ZNF93: variants seen among roughly 807,000 people sequenced by gnomAD.
ZNF93 encodes the protein zinc finger protein 505.
ZNF93 carries 29 observed loss-of-function variants against 45.0 expected under a neutral mutation model. That is an observed-to-expected ratio of 0.64 (90% CI 0.48 to 0.88). The LOEUF is 0.88. Ranked by LOEUF, ZNF93 falls within the 40% of genes least tolerant of loss-of-function variation. ZNF93 has a pLI of 0.00. For synonymous variants in ZNF93, 223 were observed against 244.6 expected (o/e 0.91, Z 0.82); for missense variants, 578 against 724.0 (o/e 0.80, Z 2.31).
At chr19:19,932,089 A>T (rs1353927488) in intron 3 of ZNF93, 2 of 279,686 alleles carry the variant, frequency 7.2e-6, no homozygotes, top group South Asian at 5.9e-5. Flanking sequence ...TCTGGCCAAC[A>T]TGGTGAAATC....
intron 3 of ZNF93, among the ~76,000 whole-genome samples, chr19:19,919,070 G>T (rs2063334259): frequency 6.6e-6 from 1 of 152,120 alleles, no homozygotes; most frequent in Non-Finnish European, 1.5e-5. Flanking sequence ...TTCTTCTAGG[G>T]TTTTTATGGT....
rs1345790787 is a variant in ZNF93 at position 19,915,949 on chromosome 19, T to G, written c.130+543T>G. 3.9e-5 allele frequency among the ~76,000 whole-genome samples: 6 copies of G among 152,186 alleles called. No homozygotes were observed. In the East Asian group the frequency reaches 9.6e-4, roughly 24 times the overall value. The stretch of plus-strand genomic sequence containing the variant: ...CTAAATTAGTGGTAATTACAGAAAT[T>G]TACTGACGTAAAATATTGTAGCCCC... On this transcript the variant is annotated intron_variant, in intron 2 of 3. Coordinates refer to ENST00000343769, the MANE Select transcript of ZNF93 (RefSeq NM_031218.4).
intron 1 of ZNF93, among the ~76,000 whole-genome samples, chr19:19,913,924 A>G (rs190160618): frequency 2.6e-5 from 4 of 152,298 alleles, no homozygotes; most frequent in Admixed American, 2.6e-4. Flanking sequence ...ACAAACCTTT[A>G]CTTCTCTACT....
chr19:19,915,481 A>C (rs2063321173), intron 2 of ZNF93, 75 bp downstream of exon 2: 2 of 1,530,112 alleles, frequency 1.3e-6, no homozygotes, highest in East Asian at 2.3e-5. Flanking sequence ...AATGTTTTTT[A>C]GTAATTTATT....
At chr19:19,914,710 G>T in intron 1 of ZNF93, 1 of 290,252 alleles carries the variant, frequency 3.4e-6, no homozygotes, top group Non-Finnish European at 6.6e-6. Context: ...TATGGAAGAT[G>T]AAGGCTGTTA....
At chr19:19,914,925 G>A (rs114027525) in intron 1 of ZNF93, 50 of 317,856 alleles carry the variant, frequency 1.6e-4, no homozygotes, top group African/African-American at 1.1e-3. Flanking sequence ...ATTAAAATTT[G>A]AGAGGTGACT....
rs772446934 is a variant in ZNF93 at position 19,935,116 on chromosome 19, T to A, written c.*298T>A. ...CCACACAGTTAACCTGAGGAAATGCTCTCTGGTACTCACTGAAAGCCACAC... is the reference window on the plus strand; with the variant it reads ...CCACACAGTTAACCTGAGGAAATGCACTCTGGTACTCACTGAAAGCCACAC... On this transcript the variant is annotated 3_prime_UTR_variant, in exon 4 of 4. Transcript: ENST00000343769. 4.5e-5 allele frequency: 15 copies of A among 336,592 alleles called. No individual in the cohort carries two copies. The highest frequency in any genetic ancestry group is 7.0e-5 in the Non-Finnish European group (13 of 185,864). 20.9% of individuals were successfully genotyped at this position (336,592 alleles called of 1,614,324 possible).
intron 1 of ZNF93, among the ~76,000 whole-genome samples, chr19:19,902,580 T>C (rs1016678519): frequency 5.3e-5 from 8 of 151,554 alleles, no homozygotes; most frequent in African/African-American, 1.9e-4. Flanking sequence ...TAAAGTCCTA[T>C]TTAGCTTTTT....
chr19:19,934,737 G>T lies in ZNF93; in HGVS notation c.1782G>T (p.Glu594Asp). The T allele has an allele frequency of 6.2e-7, 1 of 1,612,192 alleles. No homozygotes were observed. Among genetic ancestry groups the T allele is most frequent in the Non-Finnish European group, 8.5e-7 (1 of 1,179,276 alleles). The change falls in exon 4 of 4, where the codon GAG becomes GAT. Residue 594 changes from glutamate to aspartate, a missense_variant. Physicochemically the swap from Glu to Asp is conservative, Grantham distance 45 (BLOSUM62 2). Around this residue, in one of 3 missense-constraint regions of ZNF93, gnomAD observed 119 missense variants for 123.1 expected, o/e 0.97. Transcript: ENST00000343769. ...KKIHSGEKPY[E>D]CDKCGKAFIS... The stretch of plus-strand genomic sequence containing the variant: ...TCCATTCTGGAGAGAAACCATACGA[G>T]TGTGATAAATGTGGCAAAGCCTTTA...
intron 3 of ZNF93, among the ~76,000 whole-genome samples, chr19:19,930,610 G>A (rs1410201540): frequency 1.3e-5 from 2 of 148,966 alleles, no homozygotes; most frequent in African/African-American, 2.5e-5. Context: ...GCCCTCTGGT[G>A]GCCTTGTCTG....
rs772768797 is a variant in ZNF93, at chr19:19,933,961, A to T, written c.1006A>T (p.Thr336Ser). 5 of 1,612,620 alleles carry T rather than the reference A, an allele frequency of 3.1e-6. No homozygotes were observed. Among genetic ancestry groups the T allele is most frequent in the Non-Finnish European group, 4.2e-6 (5 of 1,179,396 alleles). ...RILTTHKRIH[T>S]GEKPYKCNKC... is the part of the protein sequence containing the mutation. ...CCTTACTACACATAAGAGAATTCAT[A>T]CTGGAGAGAAACCATACAAGTGTAA... Residue 336 changes from threonine (T) to serine (S), a missense_variant, in exon 4 of 4, where the codon ACT becomes TCT. Around this residue, in one of 3 missense-constraint regions of ZNF93, gnomAD observed 446 missense variants for 547.6 expected, o/e 0.81. Transcript: ENST00000343769.
At position 19,915,126 on chromosome 19, in the gene ZNF93, G is replaced by C. The variant is rs2063319755; in HGVS notation, c.4-154G>C. 6.6e-6 allele frequency among the ~76,000 whole-genome samples: 1 copy of C among 152,078 alleles called. No homozygotes were observed. Among genetic ancestry groups the C allele is most frequent in the African/African-American group, 2.4e-5 (1 of 41,386 alleles). On this transcript the variant is annotated intron_variant, in intron 1 of 3. Coordinates refer to ENST00000343769, the MANE Select transcript of ZNF93 (RefSeq NM_031218.4). The stretch of plus-strand genomic sequence containing the variant: ...CCTTTTTTTCTCAGATAATACATTA[G>C]AGAATATTTCTGTGTTGAAGATTAT...
At chr19:19,919,581 A>G (rs976245384) in intron 3 of ZNF93, among the ~76,000 whole-genome samples, 12 of 152,184 alleles carry the variant, frequency 7.9e-5, no homozygotes, top group African/African-American at 1.2e-4. Context: ...CTTCCTACCC[A>G]TGAGCATGGA....
At chr19:19,924,960 T>C (rs1220001675) in intron 3 of ZNF93, among the ~76,000 whole-genome samples, 1 of 152,216 alleles carries the variant, frequency 6.6e-6, no homozygotes, top group Non-Finnish European at 1.5e-5. Context: ...AATTGAATCA[T>C]TGATTTGCTT....
At chr19:19,922,544 G>C (rs530285926) in intron 3 of ZNF93, among the ~76,000 whole-genome samples, 97 of 152,294 alleles carry the variant, frequency 6.4e-4, no homozygotes, top group African/African-American at 2.3e-3. Context: ...TTCCAGCTTG[G>C]TTCCATTCTC....
chr19:19,919,034 A>G (rs188440879), intron 3 of ZNF93, among the ~76,000 whole-genome samples: 19 of 152,136 alleles, frequency 1.2e-4, no homozygotes, highest in Admixed American at 1.2e-3. Flanking sequence ...TTGCCTGCCT[A>G]TGTCCTGAAT....
At chr19:19,931,944 C>A in intron 3 of ZNF93, 1 of 367,166 alleles carries the variant, frequency 2.7e-6, no homozygotes, top group South Asian at 2.0e-5. Context: ...TGAATAAAAA[C>A]TATGCCTCTA....
intron 3 of ZNF93, among the ~76,000 whole-genome samples, chr19:19,920,102 C>G (rs2063338660): frequency 6.6e-6 from 1 of 152,038 alleles, no homozygotes; most frequent in Non-Finnish European, 1.5e-5. Context: ...ATAAATAGCT[C>G]TTATTATTTT....
intron 3 of ZNF93, among the ~76,000 whole-genome samples, chr19:19,918,876 C>T (rs901104656): frequency 6.6e-6 from 1 of 150,778 alleles, no homozygotes; most frequent in African/African-American, 2.4e-5. Context: ...GAGTAGATTG[C>T]AAAAATTTTC....
Sources: allele counts gnomAD v4.1 joint callset (sites outside exome capture counted in the v4.1 genomes callset), GRCh38; gene constraint gnomAD v4.1.1; regional missense constraint gnomAD v4.1.1; transcripts MANE v1.5; gene names NCBI Gene and HGNC (gene_info 2026-07-23, HGNC 2026-07-21).